Variants in KCNK10 observed in about 807,000 individuals in gnomAD.
KCNK10 encodes the protein potassium two pore domain channel subfamily K member 10.
In KCNK10, 25 loss-of-function variants were observed where a neutral mutation model predicts 47.7. The observed-to-expected ratio is 0.52, with a 90% CI of 0.38 to 0.73. The LOEUF (loss-of-function observed/expected upper bound fraction) is 0.73, where lower values mean the gene tolerates loss of function less well. KCNK10 is among the 30% of genes least tolerant of loss of function. The probability of loss-of-function intolerance (pLI) is 0.00; values close to 1 mark genes in which losing one functional copy is unlikely to be tolerated. For missense variants in KCNK10, 563 were observed against 714.5 expected (o/e 0.79, Z 2.42); for synonymous variants, 303 against 285.6 (o/e 1.06, Z -0.61).
At chr14:88,194,151 A>C (rs1423484752) in intron 4 of KCNK10, among the ~76,000 whole-genome samples, 4 of 152,258 alleles carry the variant, frequency 2.6e-5, no homozygotes, top group African/African-American at 4.8e-5. Flanking sequence ...ATTACAATTT[A>C]TTGATATTGT....
chr14:88,303,872 T>TTCCTGAATCGCACACTCAAGTCCC (rs1396679760), intron 1 of KCNK10, among the ~76,000 whole-genome samples: 1 of 152,188 alleles, frequency 6.6e-6, no homozygotes, highest in African/African-American at 2.4e-5. Flanking sequence ...TGTGAAGTCC[T>TTCCTGAATCGCACACTCAAGTCCC]TCCTGAATCG....
chr14:88,302,666 T>C (rs975684050), intron 1 of KCNK10, among the ~76,000 whole-genome samples: 1 of 152,106 alleles, frequency 6.6e-6, no homozygotes, highest in African/African-American at 2.4e-5. Flanking sequence ...ATTGAGATCG[T>C]GCCACTGCAC....
intron 1 of KCNK10, among the ~76,000 whole-genome samples, chr14:88,298,763 T>C (rs1003208450): frequency 1.3e-4 from 20 of 152,326 alleles, no homozygotes; most frequent in Admixed American, 9.8e-4. Context: ...TAGCCTTCCA[T>C]GGCTCCTGAT....
At chr14:88,299,572 T>C (rs1888054251) in intron 1 of KCNK10, among the ~76,000 whole-genome samples, 1 of 152,236 alleles carries the variant, frequency 6.6e-6, no homozygotes, top group African/African-American at 2.4e-5. Context: ...GTGTAGCACA[T>C]GAACCATAGG....
At position 88,322,285 on chromosome 14, in the gene KCNK10, G is replaced by A. The variant is rs1201896809; in HGVS notation, c.52+462C>T. On this transcript the variant is annotated intron_variant, in intron 1 of 6. Transcript: ENST00000319231. This position sits in a 1 kb window ranked among gnomAD's most constrained non-coding sequence, Gnocchi z 4.8. ...CCCCTAGGGACGGCTGCTGCAACTC[G>A]AGCCCCACTTGCTGCCAGGAAACCT... is the stretch of plus-strand genomic sequence containing the variant. Among the ~76,000 whole-genome samples, 1 of 152,088 alleles carries A rather than the reference G, an allele frequency of 6.6e-6. No homozygotes were observed. The highest frequency in any genetic ancestry group is 1.5e-5 in the Non-Finnish European group (1 of 68,030).
chr14:88,187,891 A>C (rs424752), intron 6 of KCNK10, 76 bp downstream of exon 6: 17 of 1,527,286 alleles, frequency 1.1e-5, no homozygotes, highest in East Asian at 6.9e-5. Context: ...TCCAGCCCAC[A>C]GGACAGAGAC....
At chr14:88,212,792 T>C (rs1885502970) in intron 4 of KCNK10, among the ~76,000 whole-genome samples, 1 of 152,098 alleles carries the variant, frequency 6.6e-6, no homozygotes, top group Non-Finnish European at 1.5e-5. Context: ...TCTCAGAAAA[T>C]ACAAAGCAAT....
At chr14:88,309,971 C>T (rs1449907154) in intron 1 of KCNK10, among the ~76,000 whole-genome samples, 1 of 152,044 alleles carries the variant, frequency 6.6e-6, no homozygotes, top group Non-Finnish European at 1.5e-5. Context: ...CCCCTTCCCA[C>T]TTGACACCAG....
chr14:88,308,992 T>C (rs956105591), intron 1 of KCNK10, among the ~76,000 whole-genome samples: 4 of 152,228 alleles, frequency 2.6e-5, no homozygotes, highest in Admixed American at 1.3e-4. Context: ...ATTTCTAAAA[T>C]GCAGAAGTTG....
At chr14:88,239,227 C>T (rs991379076) in intron 3 of KCNK10, among the ~76,000 whole-genome samples, 1 of 151,734 alleles carries the variant, frequency 6.6e-6, no homozygotes, top group Non-Finnish European at 1.5e-5. Flanking sequence ...AACTCAACAT[C>T]TTCAAAGCAC....
At chr14:88,299,937 C>G (rs1002924011) in intron 1 of KCNK10, among the ~76,000 whole-genome samples, 4 of 152,134 alleles carry the variant, frequency 2.6e-5, no homozygotes, top group Non-Finnish European at 5.9e-5. Context: ...TTAAGAAACC[C>G]TTCCCTAACT....
intron 1 of KCNK10, among the ~76,000 whole-genome samples, chr14:88,271,747 G>A (rs421038): frequency 0.065 from 9,812 of 152,072 alleles, 419 homozygotes; most frequent in East Asian, 0.092. Context: ...TGCATAAACT[G>A]TGATTTGAGG....
At chr14:88,268,343 A>G (rs1003567753) in intron 1 of KCNK10, among the ~76,000 whole-genome samples, 6 of 152,212 alleles carry the variant, frequency 3.9e-5, no homozygotes, top group African/African-American at 1.4e-4. Context: ...TCAGGGCAGC[A>G]GCCAGGGCCC....
rs554926069 is a variant in KCNK10 at position 88,186,845 on chromosome 14, G to T, written c.1012-690C>A. ...CCTGGTAACCCACTTCCCCCAGTCA[G>T]GGTGCAGGAAGACGGCCTATTCTGC... On this transcript the variant is annotated intron_variant, in intron 6 of 6. Transcript: ENST00000319231. The surrounding 1 kb of genome is among the most constrained non-coding windows in gnomAD (Gnocchi z 5.5). 8.5e-5 allele frequency among the ~76,000 whole-genome samples: 13 copies of T among 152,334 alleles called. No homozygotes were observed. Among genetic ancestry groups the T allele is most frequent in the African/African-American group, 3.1e-4 (13 of 41,590 alleles).
intron 4 of KCNK10, among the ~76,000 whole-genome samples, chr14:88,207,007 G>C (rs1257395875): frequency 6.6e-6 from 1 of 152,158 alleles, no homozygotes; most frequent in Non-Finnish European, 1.5e-5. Flanking sequence ...TGAGGTAAAA[G>C]TGTCTGCATA....
chr14:88,300,305 C>T (rs1292988515), intron 1 of KCNK10, among the ~76,000 whole-genome samples: 1 of 152,232 alleles, frequency 6.6e-6, no homozygotes, highest in African/African-American at 2.4e-5. Context: ...TCTTATCCAT[C>T]TTGTGCCACA....
chr14:88,263,972 T>C (rs949573241), intron 1 of KCNK10, among the ~76,000 whole-genome samples: 1 of 152,154 alleles, frequency 6.6e-6, no homozygotes, highest in African/African-American at 2.4e-5. Context: ...GATAACCAAC[T>C]ACTCTATCCA....
At chr14:88,326,379 G>T (rs766861481), upstream of KCNK10, 2 of 1,589,990 alleles carry the variant, frequency 1.3e-6, no homozygotes, top group Non-Finnish European at 1.7e-6. Flanking sequence ...ATCCCCTTCG[G>T]TTCTACCCTT....
upstream of KCNK10, chr14:88,326,406 G>T (rs764257789): frequency 9.3e-6 from 15 of 1,610,506 alleles, no homozygotes; most frequent in East Asian, 3.3e-4. Flanking sequence ...TTTACAAGCT[G>T]GACTTCACTT....
Sources: gnomAD v4.1 joint callset for allele counts (sites outside exome capture counted in the v4.1 genomes callset) on GRCh38, gnomAD v4.1.1 for gene constraint, Gnocchi (gnomAD v3.1) non-coding constraint, MANE v1.5 for transcripts, NCBI Gene and HGNC (gene_info 2026-07-23, HGNC 2026-07-21) for gene names.